The following MYO9A variants were observed in gnomAD, a reference collection of about 807,000 sequenced individuals.
MYO9A encodes unconventional myosin-IXa.
Under a neutral mutation model 293.3 loss-of-function variants are expected in MYO9A, and 103 were observed. The ratio of observed to expected loss-of-function variants is 0.35; its 90% CI spans 0.30 to 0.41. MYO9A has a LOEUF of 0.41. MYO9A is among the 10% of genes least tolerant of loss of function. The pLI, the probability that MYO9A is intolerant of heterozygous loss-of-function variation, is 1.00. For synonymous variants in MYO9A, 1,001 were observed against 1,035.7 expected, an observed-to-expected ratio of 0.97 and a Z score of 0.64; for missense variants, 2,685 against 3,033.0, an observed-to-expected ratio of 0.89 and a Z score of 2.69.
chr15:71,925,366 CAT>C (rs1179474082), intron 18 of MYO9A, among the ~76,000 whole-genome samples: 1 of 149,242 alleles, frequency 6.7e-6, no homozygotes, highest in East Asian at 2.0e-4. Context: ...TGTATATATA[CAT>C]ATATACGTAT....
intron 14 of MYO9A, among the ~76,000 whole-genome samples, chr15:71,957,516 T>C (rs949963122): frequency 6.6e-6 from 1 of 152,136 alleles, no homozygotes; most frequent in East Asian, 1.9e-4. Context: ...TATTTAAATC[T>C]ATTAAGTACT....
chr15:72,005,281 A>C (rs922381733), intron 8 of MYO9A, among the ~76,000 whole-genome samples: 11 of 152,204 alleles, frequency 7.2e-5, no homozygotes, highest in African/African-American at 2.7e-4. Context: ...TGGTTTGCCC[A>C]ATTCTCAGAA....
In MYO9A at chr15:71,900,010, T is replaced by C; in HGVS notation, c.3151-4A>G. On this transcript the variant is annotated splice_region_variant and splice_polypyrimidine_tract_variant and intron_variant, in intron 23 of 41. Transcript: ENST00000356056. ...TTAGGTAATTCCTCCAGAATCTCTA[T>C]GGGGAAGACAAAATAACAGAAACTG... The C allele has an allele frequency of 1.3e-6, 2 of 1,593,186 alleles. No individual in the cohort carries two copies. Among genetic ancestry groups the C allele is most frequent in the Non-Finnish European group, 1.7e-6 (2 of 1,166,582 alleles).
At chr15:71,978,390 G>GA in intron 11 of MYO9A, 98 bp from the exon 12 acceptor site, 2 of 982,742 alleles carry the variant, frequency 2.0e-6, no homozygotes, top group Non-Finnish European at 2.9e-6. Context: ...AAAATTCTAA[G>GA]ATTTTAAAAA....
At position 71,879,788 on chromosome 15, in the gene MYO9A, A is replaced by G; in HGVS notation, c.5672T>C (p.Val1891Ala). ...TTCCTTCAGGGCTTTTTTAAATACA[A>G]CATCCACTAGTGTATCCTTCTTGCT... is the stretch of plus-strand genomic sequence containing the variant. ...EDSKKDTLVD[V>A]VFKKALKEFR... is the part of the protein sequence containing the mutation. The change falls in exon 30 of 42, where the codon GTT becomes GCT. Residue 1891 changes from valine to alanine, a missense_variant. By Grantham distance (64) the Val-to-Ala change is moderately conservative (BLOSUM62 0). Around this residue, in one of 10 missense-constraint regions of MYO9A, gnomAD observed 1,434 missense variants for 1,497.7 expected, o/e 0.96. Coordinates refer to ENST00000356056, the MANE Select transcript of MYO9A (RefSeq NM_006901.4). 1 of 1,613,798 alleles carries G rather than the reference A, an allele frequency of 6.2e-7. No individual in the cohort carries two copies. Among genetic ancestry groups the G allele is most frequent in the South Asian group, 1.1e-5 (1 of 91,080 alleles).
chr15:71,894,805 A>T (rs567459606), intron 25 of MYO9A, among the ~76,000 whole-genome samples: 3 of 152,334 alleles, frequency 2.0e-5, no homozygotes, highest in African/African-American at 7.2e-5. Flanking sequence ...AAAAGTGTAT[A>T]TAACCTTCAT....
At chr15:72,065,706 A>G (rs1475270529) in intron 1 of MYO9A, among the ~76,000 whole-genome samples, 2 of 152,096 alleles carry the variant, frequency 1.3e-5, no homozygotes, top group Non-Finnish European at 2.9e-5. Flanking sequence ...CAATACACAT[A>G]TCAAAAAAAA....
At chr15:72,047,892 C>G (rs560538917) in intron 1 of MYO9A, among the ~76,000 whole-genome samples, 33 of 147,286 alleles carry the variant, frequency 2.2e-4, no homozygotes, top group African/African-American at 8.0e-4. Flanking sequence ...ATCCTCTCAC[C>G]TCAACCTGGC....
At chr15:71,981,161 CT>C (rs2076261195) in intron 11 of MYO9A, among the ~76,000 whole-genome samples, 1 of 151,946 alleles carries the variant, frequency 6.6e-6, no homozygotes, top group Non-Finnish European at 1.5e-5. Flanking sequence ...ATGTATTATC[CT>C]TTTGTACATA....
chr15:71,926,359 T>C (rs2058313752), intron 18 of MYO9A, among the ~76,000 whole-genome samples: 1 of 150,304 alleles, frequency 6.7e-6, no homozygotes, highest in African/African-American at 2.5e-5. Flanking sequence ...AACTGAGGAG[T>C]TCAAGTCCAG....
At chr15:71,906,045 T>C (rs189188383) in intron 19 of MYO9A, among the ~76,000 whole-genome samples, 1 of 152,300 alleles carries the variant, frequency 6.6e-6, no homozygotes, top group Admixed American at 6.5e-5. Context: ...CAAATTTTGA[T>C]ATTTCATTCT....
intron 1 of MYO9A, among the ~76,000 whole-genome samples, chr15:72,057,066 C>A (rs2078742265): frequency 6.6e-6 from 1 of 151,892 alleles, no homozygotes; most frequent in African/African-American, 2.4e-5. Context: ...GAGATTGCAC[C>A]ACCGTACTCC....
intron 39 of MYO9A, among the ~76,000 whole-genome samples, chr15:71,836,806 AAAGT>A (rs2054961679): frequency 6.6e-6 from 1 of 152,092 alleles, no homozygotes; most frequent in African/African-American, 2.4e-5. Context: ...AACAAAAAAT[AAAGT>A]AAGTCATTAA....
intron 33 of MYO9A, among the ~76,000 whole-genome samples, chr15:71,860,275 A>G (rs2056060863): frequency 6.6e-6 from 1 of 152,220 alleles, no homozygotes. Flanking sequence ...GCACAGTTTA[A>G]GATATAAGAA....
At chr15:71,981,591 A>G (rs2076272587) in intron 11 of MYO9A, among the ~76,000 whole-genome samples, 2 of 151,976 alleles carry the variant, frequency 1.3e-5, no homozygotes, top group Admixed American at 1.3e-4. Context: ...ATCCAGAGTA[A>G]TACCCTCTAT....
chr15:72,045,631 T>C, intron 2 of MYO9A, 93 bp downstream of exon 2: 3 of 1,340,144 alleles, frequency 2.2e-6, no homozygotes, highest in South Asian at 3.1e-5. Context: ...CACATCGACC[T>C]GGTATTGCAG....
intron 2 of MYO9A, among the ~76,000 whole-genome samples, chr15:72,040,950 A>T (rs574960565): frequency 6.6e-6 from 1 of 152,214 alleles, no homozygotes; most frequent in East Asian, 1.9e-4. Context: ...TCTAAAATCA[A>T]TGACCTCAGA....
intron 11 of MYO9A, among the ~76,000 whole-genome samples, chr15:71,987,469 C>A (rs757823571): frequency 5.3e-5 from 8 of 152,192 alleles, no homozygotes; most frequent in Non-Finnish European, 1.0e-4. Context: ...CCTAAAATAT[C>A]TTTTCCCATT....
chr15:72,090,885 G>A (rs1050013343), intron 1 of MYO9A, among the ~76,000 whole-genome samples: 7 of 151,914 alleles, frequency 4.6e-5, no homozygotes, highest in African/African-American at 1.7e-4. Flanking sequence ...TTGGGTGCTG[G>A]GCGCAGTGGC....
Sources: gnomAD v4.1 joint callset for allele counts (sites outside exome capture counted in the v4.1 genomes callset) on GRCh38, gnomAD v4.1.1 for gene constraint, gnomAD v4.1.1 regional missense constraint, MANE v1.5 for transcripts, NCBI Gene and HGNC (gene_info 2026-07-23, HGNC 2026-07-21) for gene names.